WWP2: variants seen among roughly 807,000 people sequenced by gnomAD.
WWP2 encodes the protein WW domain containing E3 ubiquitin protein ligase 2, also known as NEDD4-like E3 ubiquitin-protein ligase WWP2.
A neutral mutation model predicts 121.0 loss-of-function variants in WWP2; 57 were observed. The observed-to-expected ratio is 0.47, with a 90% CI of 0.38 to 0.59. The LOEUF (loss-of-function observed/expected upper bound fraction) is 0.59, where lower values mean the gene tolerates loss of function less well. Among genes scored for constraint, WWP2 ranks in the 20% least tolerant of loss-of-function variants. The pLI is 0.00. For synonymous variants in WWP2, 449 were observed against 441.3 expected (o/e 1.02, Z -0.22); for missense variants, 962 against 1,158.9 (o/e 0.83, Z 2.47).
chr16:69,797,874 G>C (rs984508278), intron 2 of WWP2, among the ~76,000 whole-genome samples: 1 of 149,666 alleles, frequency 6.7e-6, no homozygotes, highest in African/African-American at 2.5e-5. Flanking sequence ...GGCAACAAGA[G>C]CCAAACTCTA....
intron 1 of WWP2, among the ~76,000 whole-genome samples, chr16:69,777,341 C>T (rs2055556506): frequency 6.6e-6 from 1 of 151,792 alleles, no homozygotes; most frequent in Admixed American, 6.6e-5. Flanking sequence ...CATTCTGTCA[C>T]CCAGGCTGGA....
chr16:69,898,494 T>G (rs1267095369), intron 8 of WWP2, among the ~76,000 whole-genome samples: 1 of 152,236 alleles, frequency 6.6e-6, no homozygotes, highest in Non-Finnish European at 1.5e-5. Flanking sequence ...TCAGGTTCGT[T>G]TCATGTGGGC....
At chr16:69,892,543 T>C (rs1440781794) in intron 8 of WWP2, among the ~76,000 whole-genome samples, 1 of 152,206 alleles carries the variant, frequency 6.6e-6, no homozygotes, top group Non-Finnish European at 1.5e-5. Flanking sequence ...TTTTAACTTT[T>C]CTTTTTTTGA....
chr16:69,877,792 T>C (rs2057759059), intron 7 of WWP2, among the ~76,000 whole-genome samples: 1 of 152,128 alleles, frequency 6.6e-6, no homozygotes, highest in Non-Finnish European at 1.5e-5. Flanking sequence ...ATATTTATTA[T>C]TAAATTTGCT....
intron 1 of WWP2, among the ~76,000 whole-genome samples, chr16:69,780,255 C>CTT (rs74895198): frequency 2.2e-5 from 3 of 135,078 alleles, no homozygotes; most frequent in Non-Finnish European, 3.2e-5. Context: ...TGCCACTTGC[C>CTT]TTTTTTTTTT....
chr16:69,846,777 A>C (rs2057089271), intron 6 of WWP2, among the ~76,000 whole-genome samples: 1 of 151,974 alleles, frequency 6.6e-6, no homozygotes, highest in Non-Finnish European at 1.5e-5. Flanking sequence ...TCAGGAGGTT[A>C]TCTTGGGAGG....
chr16:69,922,647 T>C (rs2058580395), intron 10 of WWP2, among the ~76,000 whole-genome samples: 2 of 152,196 alleles, frequency 1.3e-5, no homozygotes, highest in South Asian at 2.1e-4. Context: ...GGTTGGCTCA[T>C]TGGAGGTGTG....
At chr16:69,901,261 T>A (rs934886589) in intron 8 of WWP2, among the ~76,000 whole-genome samples, 1 of 152,184 alleles carries the variant, frequency 6.6e-6, no homozygotes, top group African/African-American at 2.4e-5. Context: ...AAATGTGATT[T>A]TATGTAGCTT....
intron 1 of WWP2, among the ~76,000 whole-genome samples, chr16:69,763,418 C>T (rs1349851167): frequency 1.3e-5 from 2 of 152,144 alleles, no homozygotes; most frequent in African/African-American, 4.8e-5. Flanking sequence ...CTAAAATTTG[C>T]AGAAGCAAAA....
At chr16:69,879,719 T>C (rs1360498798) in intron 7 of WWP2, among the ~76,000 whole-genome samples, 1 of 152,212 alleles carries the variant, frequency 6.6e-6, no homozygotes, top group East Asian at 1.9e-4. Context: ...TTCAGTTCTT[T>C]TGGTTGTATA....
chr16:69,876,085 G>A (rs2057730531), intron 7 of WWP2, among the ~76,000 whole-genome samples: 1 of 152,140 alleles, frequency 6.6e-6, no homozygotes, highest in Admixed American at 6.5e-5. Context: ...AGTCCCAGGA[G>A]TAGCTGGGAT....
chr16:69,938,251 C>G (rs1473573950), intron 21 of WWP2, among the ~76,000 whole-genome samples: 1 of 151,924 alleles, frequency 6.6e-6, no homozygotes, highest in East Asian at 1.9e-4. Flanking sequence ...TGGGCTCAAG[C>G]AGTCCTTCCA....
intron 4 of WWP2, among the ~76,000 whole-genome samples, chr16:69,801,597 C>G (rs2056168294): frequency 6.6e-6 from 1 of 152,026 alleles, no homozygotes; most frequent in African/African-American, 2.4e-5. Flanking sequence ...AGTGTAGTGG[C>G]TATTTATAGG....
At chr16:69,898,798 G>C (rs546680467) in intron 8 of WWP2, among the ~76,000 whole-genome samples, 1 of 152,238 alleles carries the variant, frequency 6.6e-6, no homozygotes, top group African/African-American at 2.4e-5. Flanking sequence ...CTGCCTCCCA[G>C]GTTCAAGCAG....
chr16:69,866,049 C>T (rs567102900), intron 6 of WWP2, among the ~76,000 whole-genome samples: 72 of 152,270 alleles, frequency 4.7e-4, no homozygotes, highest in Middle Eastern at 3.4e-3. Flanking sequence ...TGTCTCTGAC[C>T]TCGCATCTCA....
intron 4 of WWP2, among the ~76,000 whole-genome samples, chr16:69,825,551 A>G (rs772177832): frequency 6.6e-6 from 1 of 151,424 alleles, no homozygotes; most frequent in Non-Finnish European, 1.5e-5. Flanking sequence ...TTTGATGAGC[A>G]CATTATTTTT....
chr16:69,925,160 C>T lies in WWP2; in HGVS notation c.1180-270C>T, dbSNP rs912660725. On this transcript the variant is annotated intron_variant, in intron 10 of 23. Transcript: ENST00000359154. The surrounding 1 kb of genome is among the most constrained non-coding windows in gnomAD (Gnocchi z 4.0). Reference sequence around the variant, plus strand: ...CGCCACCCTGGCACACCTTCACCCGCGTACCGCCTCCTCCCCGTCGCTCTG... The same window carrying T: ...CGCCACCCTGGCACACCTTCACCCGTGTACCGCCTCCTCCCCGTCGCTCTG... 9 of 1,237,784 alleles carry T rather than the reference C, an allele frequency of 7.3e-6. No individual in the cohort carries two copies. Among genetic ancestry groups the T allele is most frequent in the Middle Eastern group, 3.2e-4 (1 of 3,146 alleles). The allele number at this position is 1,237,784 out of a possible 1,614,324, so 76.7% of individuals were successfully genotyped here.
intron 7 of WWP2, among the ~76,000 whole-genome samples, chr16:69,882,078 C>T (rs890640522): frequency 6.6e-6 from 1 of 152,036 alleles, no homozygotes; most frequent in Non-Finnish European, 1.5e-5. Context: ...CTTTGGCCTC[C>T]GAAAGTACTG....
intron 7 of WWP2, among the ~76,000 whole-genome samples, chr16:69,883,725 C>T (rs999380045): frequency 4.6e-5 from 7 of 152,110 alleles, no homozygotes; most frequent in African/African-American, 9.7e-5. Flanking sequence ...TCTCCCTCCC[C>T]GCACCCCACC....
Sources: allele counts gnomAD v4.1 joint callset (sites outside exome capture counted in the v4.1 genomes callset), GRCh38; gene constraint gnomAD v4.1.1; non-coding constraint Gnocchi (gnomAD v3.1); transcripts MANE v1.5; gene names NCBI Gene and HGNC (gene_info 2026-07-23, HGNC 2026-07-21).